Variants in FAM114A1 observed in about 807,000 individuals in gnomAD.
FAM114A1 encodes the protein family with sequence similarity 114 member A1.
FAM114A1 carries 62 observed loss-of-function variants against 64.3 expected under a neutral mutation model. The observed-to-expected ratio is 0.96, with a 90% CI of 0.79 to 1.19. The LOEUF (loss-of-function observed/expected upper bound fraction) is 1.19, where lower values mean the gene tolerates loss of function less well. Among genes scored for constraint, FAM114A1 ranks in the 50% most tolerant of loss-of-function variants. The pLI is 0.00. For synonymous variants in FAM114A1, 254 were observed against 251.1 expected (o/e 1.01, Z -0.11); for missense variants, 645 against 676.3 (o/e 0.95, Z 0.51).
chr4:38,918,180 C>T (rs1264254394), intron 8 of FAM114A1, among the ~76,000 whole-genome samples: 6 of 152,092 alleles, frequency 3.9e-5, no homozygotes, highest in African/African-American at 7.2e-5. Context: ...GCCGAGATCG[C>T]GCCATTGCAC....
chr4:38,887,267 C>T (rs1715912213), intron 3 of FAM114A1, among the ~76,000 whole-genome samples: 1 of 152,182 alleles, frequency 6.6e-6, no homozygotes, highest in Non-Finnish European at 1.5e-5. Context: ...AATCCTTAGG[C>T]TTCACGTGAA....
chr4:38,908,686 G>GGACCAA lies in FAM114A1; in HGVS notation c.756_761dup (p.Lys253_Thr254dup), dbSNP rs1303541721. The GGACCAA allele has an allele frequency of 6.8e-6, 11 of 1,612,518 alleles. No homozygotes were observed. The highest frequency in any genetic ancestry group is 1.7e-5 in the Admixed American group (1 of 59,994). On this transcript the variant is annotated inframe_insertion, in exon 7 of 15. Transcript: ENST00000358869. ...GCAGAAAGTGACCCGGGCTTTAAGC[G>GGACCAA]GACCAAGACGCTCATGGAGAGAACT...
intron 3 of FAM114A1, among the ~76,000 whole-genome samples, chr4:38,890,175 G>T (rs2109600011): frequency 6.6e-6 from 1 of 152,186 alleles, no homozygotes; most frequent in South Asian, 2.1e-4. Flanking sequence ...GGAGGCCAAG[G>T]GGGCGGATCA....
intron 2 of FAM114A1, among the ~76,000 whole-genome samples, chr4:38,869,893 A>T (rs1230382370): frequency 1.3e-5 from 2 of 152,204 alleles, no homozygotes; most frequent in Non-Finnish European, 2.9e-5. Context: ...TTGAAAGATG[A>T]AGGCAGTCCT....
intron 4 of FAM114A1, among the ~76,000 whole-genome samples, chr4:38,901,448 C>T (rs1309805191): frequency 2.6e-5 from 4 of 152,172 alleles, no homozygotes; most frequent in South Asian, 2.1e-4. Flanking sequence ...CCGCCACACC[C>T]GGCAAATTTT....
chr4:38,929,370 A>AAT (rs1443282382), intron 10 of FAM114A1, 37 bp downstream of exon 10: 1 of 1,502,260 alleles, frequency 6.7e-7, no homozygotes, highest in Non-Finnish European at 9.2e-7. Flanking sequence ...TGGTTAAAAA[A>AAT]AAACAGTGCA....
In FAM114A1 at chr4:38,914,458, C is replaced by T. The variant is rs112445812; in HGVS notation, c.793-463C>T. On this transcript the variant is annotated intron_variant, in intron 7 of 14. Transcript: ENST00000358869. Reference sequence around the variant, plus strand: ...GCAAGGGTCTGTAGTCCCAGCTCCTCAGGAGGCTGAGGCAGGAGAATCGCT... The same window carrying T: ...GCAAGGGTCTGTAGTCCCAGCTCCTTAGGAGGCTGAGGCAGGAGAATCGCT... Among the ~76,000 whole-genome samples, 743 of 152,124 alleles carry T rather than the reference C, an allele frequency of 4.9e-3. 8 individuals are homozygous for T. Among genetic ancestry groups the T allele is most frequent in the African/African-American group, 0.017 (697 of 41,470 alleles).
At chr4:38,918,788 G>T (rs113759848) in intron 8 of FAM114A1, among the ~76,000 whole-genome samples, 1 of 151,834 alleles carries the variant, frequency 6.6e-6, no homozygotes, top group East Asian at 1.9e-4. Context: ...GCAAAACCCT[G>T]TCTCAAATAA....
rs116265663 is a variant in FAM114A1, at chr4:38,891,285, T to C, written c.349-458T>C. Among the ~76,000 whole-genome samples, 527 of 152,296 alleles carry C rather than the reference T, an allele frequency of 3.5e-3. 2 individuals are homozygous for C. The highest frequency in any genetic ancestry group is 0.024 in the South Asian group (116 of 4,822). On this transcript the variant is annotated intron_variant, in intron 3 of 14. Coordinates refer to ENST00000358869, the MANE Select transcript of FAM114A1 (RefSeq NM_138389.4). ...TGACGCTTTTTAGACACTTTGCCCA[T>C]CATCCATGCCAAAGCACCTGCCTAC...
Position 38,891,730 on chromosome 4 carries a change from T to C in FAM114A1, c.349-13T>C. On this transcript the variant is annotated splice_polypyrimidine_tract_variant and intron_variant, in intron 3 of 14. Coordinates refer to ENST00000358869, the MANE Select transcript of FAM114A1 (RefSeq NM_138389.4). ...CTGAATTTCTGACCTGTGGCTAATT[T>C]GTTTTTCTCCAGGCTGTGGATTCCC... The C allele has an allele frequency of 6.3e-7, 1 of 1,590,954 alleles. No individual in the cohort carries two copies. The highest frequency in any genetic ancestry group is 1.1e-5 in the South Asian group (1 of 87,648).
chr4:38,917,191 A>ATAAATAAAAAT (rs1719147062), intron 8 of FAM114A1, among the ~76,000 whole-genome samples: 1 of 151,976 alleles, frequency 6.6e-6, no homozygotes, highest in African/African-American at 2.4e-5. Flanking sequence ...TAAATAAAAA[A>ATAAATAAAAAT]GCTGGGCATG....
At chr4:38,915,132 A>G in intron 8 of FAM114A1, 59 bp downstream of exon 8, 3 of 1,573,208 alleles carry the variant, frequency 1.9e-6, no homozygotes, top group Non-Finnish European at 2.6e-6. Context: ...TTAAACATGA[A>G]AGAAACTGGA....
intron 2 of FAM114A1, among the ~76,000 whole-genome samples, chr4:38,874,699 G>T (rs1714441166): frequency 6.6e-6 from 1 of 152,026 alleles, no homozygotes; most frequent in African/African-American, 2.4e-5. Context: ...TTTTGTTTTT[G>T]CTGCAATTGC....
chr4:38,878,029 C>A, intron 2 of FAM114A1, 42 bp from the exon 3 acceptor site: 7 of 1,450,270 alleles, frequency 4.8e-6, no homozygotes, highest in Middle Eastern at 1.9e-4. Flanking sequence ...TGAAGCTTAA[C>A]AATTCGATGA....
Position 38,943,980 on chromosome 4 carries a change from T to C in FAM114A1, c.*423T>C, listed in dbSNP as rs1721775244. 1 of 154,244 alleles carries C rather than the reference T, an allele frequency of 6.5e-6. No individual in the cohort carries two copies. Among genetic ancestry groups the C allele is most frequent in the African/African-American group, 2.4e-5 (1 of 41,462 alleles). 9.6% of individuals were successfully genotyped at this position (154,244 alleles called of 1,614,324 possible). On this transcript the variant is annotated 3_prime_UTR_variant, in exon 15 of 15. Transcript: ENST00000358869. The stretch of plus-strand genomic sequence containing the variant: ...TTTAAATCAATTCTAAAACTGAACT[T>C]TGTTTTGTTACATAAATGTCGCAGG...
intron 3 of FAM114A1, among the ~76,000 whole-genome samples, chr4:38,885,598 C>G (rs1021598276): frequency 6.6e-6 from 1 of 152,114 alleles, no homozygotes; most frequent in Non-Finnish European, 1.5e-5. Flanking sequence ...TTTATTTTTA[C>G]CATCTAGAAC....
chr4:38,927,873 G>A (rs573886885), intron 9 of FAM114A1, among the ~76,000 whole-genome samples: 23 of 152,174 alleles, frequency 1.5e-4, no homozygotes, highest in Non-Finnish European at 2.8e-4. Context: ...TAGTAGAGAC[G>A]GGGTTTCACC....
At chr4:38,877,290 C>T (rs1437155857) in intron 2 of FAM114A1, among the ~76,000 whole-genome samples, 1 of 152,120 alleles carries the variant, frequency 6.6e-6, no homozygotes, top group African/African-American at 2.4e-5. Flanking sequence ...AATAATTATA[C>T]AACTCACCAC....
intron 8 of FAM114A1, among the ~76,000 whole-genome samples, chr4:38,918,360 G>A (rs1719272681): frequency 6.6e-6 from 1 of 152,300 alleles, no homozygotes; most frequent in South Asian, 2.1e-4. Context: ...AGGGCTTCAG[G>A]AACCAGACTG....
Sources: allele counts gnomAD v4.1 joint callset (sites outside exome capture counted in the v4.1 genomes callset), GRCh38; gene constraint gnomAD v4.1.1; transcripts MANE v1.5; gene names NCBI Gene and HGNC (gene_info 2026-07-23, HGNC 2026-07-21).